The following IL1RAPL2 variants were observed in gnomAD, a reference collection of about 807,000 sequenced individuals.
The protein encoded by IL1RAPL2 is X-linked interleukin-1 receptor accessory protein-like 2.
Under a neutral mutation model 44.1 loss-of-function variants are expected in IL1RAPL2, and 3 were observed. The observed-to-expected ratio is 0.07, with a 90% CI of 0.03 to 0.18. IL1RAPL2 has a LOEUF of 0.18. Among genes scored for constraint, IL1RAPL2 ranks in the 10% least tolerant of loss-of-function variants. IL1RAPL2 has a pLI of 1.00. For synonymous variants in IL1RAPL2, 181 were observed against 178.8 expected (o/e 1.01, Z -0.10); for missense variants, 391 against 496.4 (o/e 0.79, Z 2.02).
At chrX:104,913,549 A>T (rs981775544) in intron 2 of IL1RAPL2, among the ~76,000 whole-genome samples, 1 of 111,659 alleles carries the variant, frequency 9.0e-6, no homozygotes, top group Admixed American at 9.6e-5. Flanking sequence ...AGTGCATTTC[A>T]TTTGTGAATG....
chrX:105,032,496 T>C (rs1323272286), intron 2 of IL1RAPL2, among the ~76,000 whole-genome samples: 1 of 111,765 alleles, frequency 8.9e-6, no homozygotes, highest in African/African-American at 3.3e-5. Context: ...CCGTATTCAT[T>C]CCGGAGCAGG....
chrX:104,692,904 T>C (rs933377989), intron 2 of IL1RAPL2, among the ~76,000 whole-genome samples: 2 of 111,565 alleles, frequency 1.8e-5, no homozygotes, highest in Non-Finnish European at 3.8e-5. Context: ...GTTCTAGATC[T>C]CTGAGGAATT....
chrX:104,962,373 T>C (rs759163967), intron 2 of IL1RAPL2, among the ~76,000 whole-genome samples: 19 of 112,128 alleles, frequency 1.7e-4, no homozygotes, highest in Admixed American at 1.1e-3. Flanking sequence ...TTTAGGTTTA[T>C]TGACTTCTTT....
intron 2 of IL1RAPL2, among the ~76,000 whole-genome samples, chrX:104,886,341 G>A (rs968911979): frequency 3.2e-5 from 3 of 92,549 alleles, no homozygotes; most frequent in Non-Finnish European, 6.7e-5. Flanking sequence ...CTGGGCATTG[G>A]AAGGACAATT....
intron 6 of IL1RAPL2, among the ~76,000 whole-genome samples, chrX:105,496,444 G>T (rs1353485016): frequency 8.9e-6 from 1 of 112,440 alleles, no homozygotes; most frequent in African/African-American, 3.2e-5. Flanking sequence ...GAAAGAAAGA[G>T]AATCATGCTA....
intron 1 of IL1RAPL2, among the ~76,000 whole-genome samples, chrX:104,595,828 A>G: frequency 8.9e-6 from 1 of 111,932 alleles, no homozygotes; most frequent in East Asian, 2.8e-4. Context: ...CTCTTACATA[A>G]AAATCACCTA....
chrX:105,255,131 G>A (rs1310757440), intron 4 of IL1RAPL2, among the ~76,000 whole-genome samples: 2 of 111,441 alleles, frequency 1.8e-5, no homozygotes, highest in African/African-American at 6.5e-5. Flanking sequence ...AAATTGCTTT[G>A]GGTAGTAGGG....
intron 2 of IL1RAPL2, among the ~76,000 whole-genome samples, chrX:104,733,667 A>T (rs1038862286): frequency 9.7e-6 from 1 of 102,798 alleles, no homozygotes; most frequent in African/African-American, 3.5e-5. Flanking sequence ...ATAATCATGC[A>T]AACTGTTAAA....
intron 2 of IL1RAPL2, among the ~76,000 whole-genome samples, chrX:104,819,600 A>G (rs1921243970): frequency 8.9e-6 from 1 of 111,927 alleles, no homozygotes; most frequent in African/African-American, 3.3e-5. Context: ...AAATGGGTAG[A>G]TCTAGTTCTG....
chrX:104,604,479 G>A (rs1006198161), intron 1 of IL1RAPL2, among the ~76,000 whole-genome samples: 3 of 110,270 alleles, frequency 2.7e-5, no homozygotes, highest in Non-Finnish European at 5.7e-5. Flanking sequence ...ATGTAAATGG[G>A]CTAAGTGCTC....
chrX:105,228,487 A>G (rs1167019300), intron 3 of IL1RAPL2, among the ~76,000 whole-genome samples: 1 of 112,129 alleles, frequency 8.9e-6, no homozygotes, highest in East Asian at 2.8e-4. Flanking sequence ...ATTTTAAATT[A>G]TGAGTTTTAC....
At chrX:105,634,072 TG>T (rs1372237984) in intron 6 of IL1RAPL2, among the ~76,000 whole-genome samples, 4 of 111,341 alleles carry the variant, frequency 3.6e-5, no homozygotes, top group Non-Finnish European at 7.6e-5. Context: ...GGGCCTCAAC[TG>T]AGCTCATTTT....
intron 2 of IL1RAPL2, among the ~76,000 whole-genome samples, chrX:105,193,644 T>G (rs1556138636): frequency 9.0e-6 from 1 of 111,679 alleles, no homozygotes; most frequent in Non-Finnish European, 1.9e-5. Flanking sequence ...CAGTGACAAA[T>G]GACAAGTAAA....
At chrX:105,022,215 T>C (rs937700477) in intron 2 of IL1RAPL2, among the ~76,000 whole-genome samples, 4 of 111,003 alleles carry the variant, frequency 3.6e-5, no homozygotes, top group Non-Finnish European at 7.6e-5. Context: ...ATTTGAAATA[T>C]TTATAGACTA....
At chrX:104,767,620 C>T (rs970044814) in intron 2 of IL1RAPL2, among the ~76,000 whole-genome samples, 1 of 111,821 alleles carries the variant, frequency 8.9e-6, no homozygotes, top group Admixed American at 9.6e-5. Context: ...CTTCAGATAA[C>T]ACCGGCAAAA....
At chrX:105,153,783 T>C (rs1444413462) in intron 2 of IL1RAPL2, among the ~76,000 whole-genome samples, 1 of 111,230 alleles carries the variant, frequency 9.0e-6, no homozygotes, top group East Asian at 2.9e-4. Context: ...GTCTGAAGAG[T>C]TGAAGTCAGC....
intron 2 of IL1RAPL2, among the ~76,000 whole-genome samples, chrX:105,091,184 G>C (rs1307470279): frequency 8.9e-6 from 1 of 112,221 alleles, no homozygotes; most frequent in Admixed American, 9.5e-5. Context: ...TCAGTTTCCT[G>C]ATCATACTCT....
Position 104,670,818 on chromosome X carries a change from T to C in IL1RAPL2, c.82+11823T>C, listed in dbSNP as rs188840876. ...AGCCCTTCTACATTACTGCCCATTT[T>C]CCATAATACTTGCAAATGGTGTTTT... On this transcript the variant is annotated intron_variant, in intron 2 of 10. Coordinates refer to ENST00000372582, the MANE Select transcript of IL1RAPL2 (RefSeq NM_017416.2). Among the ~76,000 whole-genome samples, 541 of 111,602 alleles carry C rather than the reference T, an allele frequency of 4.8e-3. 3 individuals are homozygous for C. Among genetic ancestry groups the C allele is most frequent in the African/African-American group, 0.016 (498 of 30,700 alleles).
intron 5 of IL1RAPL2, among the ~76,000 whole-genome samples, chrX:105,318,400 G>T (rs2034868468): frequency 8.9e-6 from 1 of 112,072 alleles, no homozygotes; most frequent in African/African-American, 3.2e-5. Flanking sequence ...TCCAATAGGT[G>T]CTATAGAAAT....
Sources: allele counts gnomAD v4.1 joint callset (sites outside exome capture counted in the v4.1 genomes callset), GRCh38; gene constraint gnomAD v4.1.1; transcripts MANE v1.5; gene names NCBI Gene and HGNC (gene_info 2026-07-23, HGNC 2026-07-21).